Variants in CACNA1C observed in about 807,000 individuals in gnomAD.
CACNA1C encodes calcium voltage-gated channel subunit alpha1 C.
In CACNA1C, 30 loss-of-function variants were observed where a neutral mutation model predicts 229.0. The ratio of observed to expected loss-of-function variants is 0.13; its 90% confidence interval spans 0.10 to 0.18. The LOEUF (loss-of-function observed/expected upper bound fraction) is 0.18. Ranked by LOEUF, CACNA1C falls within the 10% of genes least tolerant of loss-of-function variation. CACNA1C has a pLI of 1.00. For missense variants in CACNA1C, 1,658 were observed against 2,845.0 expected, an observed-to-expected ratio of 0.58 and a Z score of 9.49; for synonymous variants, 1,114 against 1,132.5, an observed-to-expected ratio of 0.98 and a Z score of 0.33.
chr12:2,011,286 G>A (rs986653842), intron 1 of CACNA1C: 3 of 152,204 alleles, frequency 2.0e-5, no homozygotes, highest in African/African-American at 7.2e-5. Context: ...AACACAGGCA[G>A]CTCTGTGTCA....
chr12:2,662,250 A>AC (rs1022564695), intron 34 of CACNA1C, among the ~76,000 whole-genome samples: 9 of 151,344 alleles, frequency 5.9e-5, no homozygotes, highest in African/African-American at 2.2e-4. Flanking sequence ...TCAAAAAAAA[A>AC]AAACAAGACA....
At chr12:2,423,776 C>G (rs1050325169) in intron 3 of CACNA1C, among the ~76,000 whole-genome samples, 1 of 152,104 alleles carries the variant, frequency 6.6e-6, no homozygotes, top group African/African-American at 2.4e-5. Flanking sequence ...AAGCAGCAGG[C>G]AAGGTAATGA....
intron 3 of CACNA1C, among the ~76,000 whole-genome samples, chr12:2,242,597 C>G (rs1035216513): frequency 2.6e-5 from 4 of 152,230 alleles, no homozygotes; most frequent in Non-Finnish European, 5.9e-5. Flanking sequence ...CTGTTGGCCT[C>G]TACTTCAGGG....
At chr12:2,533,867 G>T (rs1169450623) in intron 9 of CACNA1C, among the ~76,000 whole-genome samples, 1 of 152,196 alleles carries the variant, frequency 6.6e-6, no homozygotes, top group African/African-American at 2.4e-5. Flanking sequence ...AGTCTCCCCA[G>T]GTTGTTGGGA....
At chr12:2,204,873 GCATGGCACATGTATA>G (rs1214980088) in intron 3 of CACNA1C, among the ~76,000 whole-genome samples, 1 of 148,720 alleles carries the variant, frequency 6.7e-6, no homozygotes, top group Non-Finnish European at 1.5e-5. Context: ...CAGCGCACCA[GCATGGCACATGTATA>G]CATATGTAAC....
chr12:2,213,880 C>T (rs1176343064), intron 3 of CACNA1C, among the ~76,000 whole-genome samples: 1 of 152,252 alleles, frequency 6.6e-6, no homozygotes, highest in Non-Finnish European at 1.5e-5. Flanking sequence ...TAAGCGGTAG[C>T]TGTAGCCCAT....
chr12:2,227,645 C>T (rs1358705951), intron 3 of CACNA1C, among the ~76,000 whole-genome samples: 1 of 152,184 alleles, frequency 6.6e-6, no homozygotes, highest in Non-Finnish European at 1.5e-5. Context: ...AGGTCATTCT[C>T]CCATCAGTTA....
intron 3 of CACNA1C, among the ~76,000 whole-genome samples, chr12:2,408,446 T>C (rs988357900): frequency 6.6e-6 from 1 of 152,130 alleles, no homozygotes; most frequent in Non-Finnish European, 1.5e-5. Context: ...CTTGCTAGAC[T>C]TCCCCTTTCC....
chr12:2,109,792 A>G (rs1347371917), intron 1 of CACNA1C, among the ~76,000 whole-genome samples: 1 of 152,080 alleles, frequency 6.6e-6, no homozygotes, highest in East Asian at 1.9e-4. Context: ...TAGGATGGAG[A>G]TCTTCCTCAC....
chr12:2,257,071 G>C (rs1601019011), intron 3 of CACNA1C, among the ~76,000 whole-genome samples: 2 of 152,326 alleles, frequency 1.3e-5, no homozygotes, highest in South Asian at 2.1e-4. Context: ...GGGCTTTGCT[G>C]TCTTCGTTGG....
Position 2,682,767 on chromosome 12 carries a change from G to C in CACNA1C, c.5573+89G>C, listed in dbSNP as rs3751250. 3 of 1,305,350 alleles carry C rather than the reference G, an allele frequency of 2.3e-6. No homozygotes were observed. The East Asian group carries it at 7.8e-5, about 34-fold the overall frequency. The allele number at this position is 1,305,350 out of a possible 1,614,324, so 80.9% of individuals were successfully genotyped here. Reference sequence around the variant, plus strand: ...GCAGGTCCCTGAGATCCCTCCTCTGGGGCTGATTGCAGGAGGAGAGGAGAT... The same window carrying C: ...GCAGGTCCCTGAGATCCCTCCTCTGCGGCTGATTGCAGGAGGAGAGGAGAT... On this transcript the variant is annotated intron_variant, in intron 43 of 46. Coordinates refer to ENST00000399655, the MANE Select transcript of CACNA1C (RefSeq NM_000719.7).
rs527504212 is a variant in CACNA1C at position 2,110,497 on chromosome 12, G to C, written c.50-4727G>C. ...CATCCTTTCAGCTGGCAGCCAGGAG[G>C]CTGAGCTTTGAATCAGCTTTATAAT... On this transcript the variant is annotated intron_variant, in intron 1 of 46. Transcript: ENST00000399655. Among the ~76,000 whole-genome samples, 11 of 152,348 alleles carry C rather than the reference G, an allele frequency of 7.2e-5. No individual in the cohort carries two copies. In the South Asian group the frequency reaches 2.3e-3, roughly 32 times the overall value.
intron 3 of CACNA1C, among the ~76,000 whole-genome samples, chr12:2,174,858 G>A (rs2096598763): frequency 6.6e-6 from 1 of 152,188 alleles, no homozygotes; most frequent in Admixed American, 6.5e-5. Flanking sequence ...AAATCCTAAG[G>A]AAGGTAAAAT....
At chr12:2,165,326 A>AT (rs2096156150) in intron 3 of CACNA1C, among the ~76,000 whole-genome samples, 1 of 152,316 alleles carries the variant, frequency 6.6e-6, no homozygotes, top group Admixed American at 6.5e-5. Flanking sequence ...CTAAGGAGAG[A>AT]TTTTCCAGAT....
intron 3 of CACNA1C, among the ~76,000 whole-genome samples, chr12:2,387,082 C>G (rs1211715536): frequency 6.6e-6 from 1 of 152,190 alleles, no homozygotes; most frequent in African/African-American, 2.4e-5. Context: ...ATTATTCATT[C>G]AATAACATGC....
In CACNA1C at chr12:2,410,518, G is replaced by A. The variant is rs2098794727; in HGVS notation, c.478-38458G>A. Among the ~76,000 whole-genome samples, 1 of 152,214 alleles carries A rather than the reference G, an allele frequency of 6.6e-6. No individual in the cohort carries two copies. Among genetic ancestry groups the A allele is most frequent in the African/African-American group, 2.4e-5 (1 of 41,456 alleles). On this transcript the variant is annotated intron_variant, in intron 3 of 46. Transcript: ENST00000399655. The surrounding 1 kb of genome is among the most constrained non-coding windows in gnomAD (Gnocchi z 5.3). Reference sequence around the variant, plus strand: ...AGGATGCCAAAACCAAATATTTAAAGTAAATGAGGAAAAAATATGCTTGGA... The same window carrying A: ...AGGATGCCAAAACCAAATATTTAAAATAAATGAGGAAAAAATATGCTTGGA...
At chr12:2,361,856 T>C (rs2097566118) in intron 3 of CACNA1C, among the ~76,000 whole-genome samples, 1 of 152,204 alleles carries the variant, frequency 6.6e-6, no homozygotes, top group Non-Finnish European at 1.5e-5. Flanking sequence ...GCTGAGTTGC[T>C]CAGAGCAGTA....
At chr12:2,586,794 C>A (rs1163049280) in intron 18 of CACNA1C, among the ~76,000 whole-genome samples, 1 of 152,214 alleles carries the variant, frequency 6.6e-6, no homozygotes, top group Admixed American at 6.5e-5. Flanking sequence ...GAACCAGACT[C>A]CCTGTGGTCA....
chr12:2,194,204 C>T (rs1315946822), intron 3 of CACNA1C, among the ~76,000 whole-genome samples: 1 of 147,544 alleles, frequency 6.8e-6, no homozygotes, highest in Non-Finnish European at 1.5e-5. Flanking sequence ...CCTGCTCCCC[C>T]CTGTGTTCCT....
Sources: gnomAD v4.1 joint callset for allele counts (sites outside exome capture counted in the v4.1 genomes callset) on GRCh38, gnomAD v4.1.1 for gene constraint, Gnocchi (gnomAD v3.1) non-coding constraint, MANE v1.5 for transcripts, NCBI Gene and HGNC (gene_info 2026-07-23, HGNC 2026-07-21) for gene names.